The following PLEKHA5 variants were observed in gnomAD, a reference collection of about 807,000 sequenced individuals.
PLEKHA5 encodes the protein pleckstrin homology domain containing A5, also known as pleckstrin homology domain-containing family A member 5.
Under a neutral mutation model 181.9 loss-of-function variants are expected in PLEKHA5, and 55 were observed. The ratio of observed to expected loss-of-function variants is 0.30; its 90% CI spans 0.24 to 0.38. PLEKHA5 has a LOEUF of 0.38. PLEKHA5 is among the 10% of genes least tolerant of loss of function. The pLI is 1.00. For missense variants in PLEKHA5, 1,432 were observed against 1,549.5 expected (o/e 0.92, Z 1.27); for synonymous variants, 535 against 529.4 (o/e 1.01, Z -0.15).
At chr12:19,146,350 T>G (rs971260857) in intron 3 of PLEKHA5, among the ~76,000 whole-genome samples, 2 of 152,248 alleles carry the variant, frequency 1.3e-5, no homozygotes, top group Non-Finnish European at 2.9e-5. Flanking sequence ...AATTTCCTGT[T>G]TCACATATTT....
At chr12:19,310,024 C>T (rs560457426) in intron 15 of PLEKHA5, among the ~76,000 whole-genome samples, 1 of 152,282 alleles carries the variant, frequency 6.6e-6, no homozygotes, top group Admixed American at 6.5e-5. Flanking sequence ...ATGCCTGAAT[C>T]ATACATTTTC....
intron 28 of PLEKHA5, among the ~76,000 whole-genome samples, chr12:19,360,070 G>C (rs945023144): frequency 2.6e-5 from 4 of 152,100 alleles, no homozygotes; most frequent in Non-Finnish European, 5.9e-5. Flanking sequence ...GGTGGCTGGT[G>C]TGTGTAATCC....
At chr12:19,218,953 TTTA>T (rs2058492559) in intron 3 of PLEKHA5, among the ~76,000 whole-genome samples, 1 of 150,802 alleles carries the variant, frequency 6.6e-6, no homozygotes, top group Non-Finnish European at 1.5e-5. Flanking sequence ...AATTTTTTTT[TTTA>T]TTATACTCTA....
At chr12:19,299,627 C>T (rs2080902636) in intron 15 of PLEKHA5, among the ~76,000 whole-genome samples, 1 of 152,166 alleles carries the variant, frequency 6.6e-6, no homozygotes, top group Non-Finnish European at 1.5e-5. Context: ...TGTAAGCCTC[C>T]ACTCTCACAT....
chr12:19,272,072 C>T (rs887361628), intron 10 of PLEKHA5, among the ~76,000 whole-genome samples: 3 of 152,072 alleles, frequency 2.0e-5, no homozygotes, highest in Admixed American at 2.0e-4. Context: ...CAGTTTTTAA[C>T]TTGAGAGTTC....
intron 3 of PLEKHA5, among the ~76,000 whole-genome samples, chr12:19,182,902 T>C (rs1368953852): frequency 2.0e-5 from 3 of 152,166 alleles, no homozygotes; most frequent in Non-Finnish European, 4.4e-5. Flanking sequence ...GTGAACAGTC[T>C]TAAGAAGAAA....
At chr12:19,185,394 C>T (rs770618074) in intron 3 of PLEKHA5, among the ~76,000 whole-genome samples, 7 of 151,640 alleles carry the variant, frequency 4.6e-5, no homozygotes, top group Non-Finnish European at 7.4e-5. Flanking sequence ...CTCTGGAGAA[C>T]GAGAATGTCT....
At chr12:19,156,996 G>C (rs929316774) in intron 3 of PLEKHA5, among the ~76,000 whole-genome samples, 1 of 151,552 alleles carries the variant, frequency 6.6e-6, no homozygotes, top group Non-Finnish European at 1.5e-5. Context: ...GAGCCAGAGT[G>C]CAGTGACCTG....
At chr12:19,230,524 G>A (rs1033564620) in intron 3 of PLEKHA5, among the ~76,000 whole-genome samples, 12 of 152,324 alleles carry the variant, frequency 7.9e-5, no homozygotes, top group African/African-American at 2.6e-4. Context: ...GCTGAGGCCC[G>A]GCGAGAATTT....
chr12:19,239,871 TG>T (rs2062148838), intron 3 of PLEKHA5, among the ~76,000 whole-genome samples: 2 of 152,184 alleles, frequency 1.3e-5, no homozygotes, highest in African/African-American at 2.4e-5. Flanking sequence ...GTTTCCCCTT[TG>T]TATTTTGTTT....
At chr12:19,346,621 A>G (rs905072645) in intron 23 of PLEKHA5, among the ~76,000 whole-genome samples, 2 of 152,302 alleles carry the variant, frequency 1.3e-5, no homozygotes, top group East Asian at 3.9e-4. Context: ...GCGAGACCCC[A>G]TCTCTACCAA....
intron 15 of PLEKHA5, chr12:19,306,382 T>A: frequency 6.1e-5 from 30 of 489,672 alleles, no homozygotes; most frequent in Non-Finnish European, 8.8e-5. Flanking sequence ...TCTCTTCCCC[T>A]CCCCCGCGGC....
chr12:19,230,706 A>C (rs2060402760), intron 3 of PLEKHA5, among the ~76,000 whole-genome samples: 1 of 152,008 alleles, frequency 6.6e-6, no homozygotes, highest in African/African-American at 2.4e-5. Flanking sequence ...CACAAGCGCT[A>C]CGTGCACCCC....
intron 3 of PLEKHA5, among the ~76,000 whole-genome samples, chr12:19,249,043 G>A (rs1179762840): frequency 6.6e-6 from 1 of 151,968 alleles, no homozygotes; most frequent in Non-Finnish European, 1.5e-5. Flanking sequence ...TATAAATTAG[G>A]CACAGTGGGA....
chr12:19,253,723 G>A (rs568619920), intron 3 of PLEKHA5, among the ~76,000 whole-genome samples: 1 of 152,082 alleles, frequency 6.6e-6, no homozygotes, highest in East Asian at 1.9e-4. Context: ...GGGAGGCTGA[G>A]GCAGAAGAAT....
At chr12:19,309,311 T>C (rs1343913835) in intron 15 of PLEKHA5, among the ~76,000 whole-genome samples, 1 of 152,022 alleles carries the variant, frequency 6.6e-6, no homozygotes, top group Non-Finnish European at 1.5e-5. Flanking sequence ...AATAATTTAT[T>C]CCACATCTAC....
intron 5 of PLEKHA5, among the ~76,000 whole-genome samples, chr12:19,256,837 CT>C (rs2067009599): frequency 6.6e-6 from 1 of 152,034 alleles, no homozygotes; most frequent in South Asian, 2.1e-4. Flanking sequence ...ACTGTATATC[CT>C]TATGTGTATT....
At chr12:19,240,456 T>C (rs2062316605) in intron 3 of PLEKHA5, among the ~76,000 whole-genome samples, 1 of 150,636 alleles carries the variant, frequency 6.6e-6, no homozygotes, top group Non-Finnish European at 1.5e-5. Context: ...TTTTTTTTTT[T>C]TTTAAAGACA....
chr12:19,255,009 C>T (rs745980043), intron 4 of PLEKHA5, 36 bp from the exon 5 acceptor site: 22 of 1,569,982 alleles, frequency 1.4e-5, no homozygotes, highest in Non-Finnish European at 1.8e-5. Context: ...GGGTTACATA[C>T]ACAGCAAGTT....
Sources: allele counts gnomAD v4.1 joint callset (sites outside exome capture counted in the v4.1 genomes callset), GRCh38; gene constraint gnomAD v4.1.1; transcripts MANE v1.5; gene names NCBI Gene and HGNC (gene_info 2026-07-23, HGNC 2026-07-21).